The following ME1 variants were observed in gnomAD, a reference collection of about 807,000 sequenced individuals.
ME1 encodes the protein malic enzyme 1.
ME1 carries 74 observed loss-of-function variants against 66.4 expected under a neutral mutation model. The observed-to-expected ratio is 1.11, with a 90% CI of 0.92 to 1.35. The LOEUF (loss-of-function observed/expected upper bound fraction) is 1.35, where lower values mean the gene tolerates loss of function less well. Ranked by LOEUF, ME1 falls within the 40% of genes most tolerant of loss-of-function variation. The pLI, the probability that ME1 is intolerant of heterozygous loss-of-function variation, is 0.00. For synonymous variants in ME1, 251 were observed against 235.6 expected (o/e 1.07, Z -0.60); for missense variants, 750 against 694.1 (o/e 1.08, Z -0.90).
intron 5 of ME1, among the ~76,000 whole-genome samples, chr6:83,345,201 A>G (rs1768664520): frequency 6.6e-6 from 1 of 152,150 alleles, no homozygotes; most frequent in South Asian, 2.1e-4. Context: ...TATACACACA[A>G]TTTTAGGACA....
chr6:83,226,868 C>T (rs775596801), intron 11 of ME1, among the ~76,000 whole-genome samples: 1 of 152,138 alleles, frequency 6.6e-6, no homozygotes, highest in Non-Finnish European at 1.5e-5. Flanking sequence ...GCATTGAGGA[C>T]TCCTATCCCA....
chr6:83,272,273 C>T (rs1395057263), intron 6 of ME1, among the ~76,000 whole-genome samples: 2 of 151,918 alleles, frequency 1.3e-5, no homozygotes, highest in African/African-American at 4.8e-5. Flanking sequence ...ACAATAGACA[C>T]AAAAAAGCCT....
At chr6:83,376,638 CAAA>C (rs1347994901) in intron 3 of ME1, among the ~76,000 whole-genome samples, 1 of 135,508 alleles carries the variant, frequency 7.4e-6, no homozygotes. Flanking sequence ...CCATCTCTGT[CAAA>C]AAAAAAAAAA....
intron 7 of ME1, among the ~76,000 whole-genome samples, chr6:83,243,549 T>C (rs1184715): frequency 0.072 from 4,222 of 58,642 alleles, 251 homozygotes; most frequent in African/African-American, 0.13. Flanking sequence ...ATTATAATTA[T>C]ATTATATCGA....
chr6:83,265,048 C>T (rs1047656257), intron 6 of ME1, among the ~76,000 whole-genome samples: 1 of 152,140 alleles, frequency 6.6e-6, no homozygotes, highest in Non-Finnish European at 1.5e-5. Context: ...CCATTACTGT[C>T]CTATTTTCAG....
At chr6:83,282,927 C>A (rs1199535014) in intron 6 of ME1, among the ~76,000 whole-genome samples, 1 of 151,998 alleles carries the variant, frequency 6.6e-6, no homozygotes, top group African/African-American at 2.4e-5. Flanking sequence ...TACTATGCAG[C>A]CATAAAAAAT....
At chr6:83,324,735 A>C (rs1015058915) in intron 5 of ME1, among the ~76,000 whole-genome samples, 6 of 149,856 alleles carry the variant, frequency 4.0e-5, no homozygotes, top group African/African-American at 1.5e-4. Flanking sequence ...AAAAAAAAAA[A>C]AAAAAGCCCA....
chr6:83,333,993 C>A (rs557705109), intron 5 of ME1, among the ~76,000 whole-genome samples: 1 of 152,020 alleles, frequency 6.6e-6, no homozygotes, highest in South Asian at 2.1e-4. Flanking sequence ...CAGCTCTGGT[C>A]TACAGCTCCC....
intron 5 of ME1, among the ~76,000 whole-genome samples, chr6:83,329,927 G>A (rs949261308): frequency 2.0e-5 from 3 of 151,998 alleles, no homozygotes; most frequent in African/African-American, 7.2e-5. Flanking sequence ...GAGACTCAAG[G>A]AATCCTCCCA....
chr6:83,398,877 G>A, intron 2 of ME1, among the ~76,000 whole-genome samples: 1 of 152,078 alleles, frequency 6.6e-6, no homozygotes. Flanking sequence ...GCAGAGGCGG[G>A]TGGATCACGA....
rs1460378670 is a variant in ME1, at chr6:83,327,665, G to A, written c.601-12252C>T. ...AAACTTCATTAGCAATTTTAATTTC[G>A]CCTCGGTCCTGTGGTCCTGTGATCT... On this transcript the variant is annotated intron_variant, in intron 5 of 13. Coordinates refer to ENST00000369705, the MANE Select transcript of ME1 (RefSeq NM_002395.6). 5.3e-5 allele frequency among the ~76,000 whole-genome samples: 8 copies of A among 152,168 alleles called. No homozygotes were observed. The South Asian group carries it at 1.0e-3, about 20-fold the overall frequency.
chr6:83,252,266 G>T (rs1162423883), intron 7 of ME1, among the ~76,000 whole-genome samples: 3 of 144,330 alleles, frequency 2.1e-5, no homozygotes, highest in Non-Finnish European at 1.5e-5. Flanking sequence ...TGTTGTTGTT[G>T]TTGTTGTTGT....
At chr6:83,390,074 G>C (rs189449698) in intron 3 of ME1, among the ~76,000 whole-genome samples, 223 of 152,048 alleles carry the variant, frequency 1.5e-3, no homozygotes, top group Middle Eastern at 3.4e-3. Context: ...AAAAAAATTA[G>C]AAATACGGTT....
chr6:83,256,380 T>C (rs935487768), intron 6 of ME1, among the ~76,000 whole-genome samples: 18 of 152,014 alleles, frequency 1.2e-4, no homozygotes, highest in African/African-American at 3.9e-4. Context: ...ATAACTGTCA[T>C]CCTAGACAAA....
chr6:83,382,601 T>C (rs1769427263), intron 3 of ME1, among the ~76,000 whole-genome samples: 1 of 152,036 alleles, frequency 6.6e-6, no homozygotes, highest in Non-Finnish European at 1.5e-5. Flanking sequence ...TATATGAAAC[T>C]CTTCACAAGT....
chr6:83,388,186 C>G (rs1769551252), intron 3 of ME1, among the ~76,000 whole-genome samples: 1 of 150,252 alleles, frequency 6.7e-6, no homozygotes, highest in South Asian at 2.1e-4. Context: ...ATCCCAGGCT[C>G]AAGCAATCCT....
At chr6:83,260,592 G>A (rs952745613) in intron 6 of ME1, among the ~76,000 whole-genome samples, 12 of 152,064 alleles carry the variant, frequency 7.9e-5, no homozygotes, top group Non-Finnish European at 2.9e-5. Context: ...CCTCTGGGGT[G>A]GTGATGAGAA....
At chr6:83,410,148 A>G (rs917443593) in intron 1 of ME1, among the ~76,000 whole-genome samples, 1 of 152,146 alleles carries the variant, frequency 6.6e-6, no homozygotes, top group Non-Finnish European at 1.5e-5. Context: ...TGTTTTCTTC[A>G]CTGCTTTCTC....
At chr6:83,306,570 T>C (rs1363029748) in intron 6 of ME1, among the ~76,000 whole-genome samples, 2 of 152,112 alleles carry the variant, frequency 1.3e-5, no homozygotes, top group African/African-American at 4.8e-5. Flanking sequence ...TGTATCCATA[T>C]AATTAAAACT....
Sources: allele counts gnomAD v4.1 joint callset (sites outside exome capture counted in the v4.1 genomes callset), GRCh38; gene constraint gnomAD v4.1.1; transcripts MANE v1.5; gene names NCBI Gene and HGNC (gene_info 2026-07-23, HGNC 2026-07-21).